TUSC3: variants seen among roughly 807,000 people sequenced by gnomAD.
The protein encoded by TUSC3 is tumor suppressor candidate 3.
In TUSC3, 45 loss-of-function variants were observed where a neutral mutation model predicts 44.8. The observed-to-expected ratio is 1.00, with a 90% CI of 0.79 to 1.29. The LOEUF (loss-of-function observed/expected upper bound fraction) is 1.29, where lower values mean the gene tolerates loss of function less well. Among genes scored for constraint, TUSC3 ranks in the 50% most tolerant of loss-of-function variants. The pLI is 0.00. For missense variants in TUSC3, 519 were observed against 437.9 expected (o/e 1.19, Z -1.65); for synonymous variants, 212 against 152.9 (o/e 1.39, Z -2.85).
chr8:15,823,201 A>C, the TUSC3 span, among the ~76,000 whole-genome samples: 1 of 152,206 alleles, frequency 6.6e-6, no homozygotes, highest in African/African-American at 2.4e-5. Flanking sequence ...TAGCTCTGTC[A>C]ACAGAATGAG....
the TUSC3 span, among the ~76,000 whole-genome samples, chr8:15,798,878 AT>A: frequency 2.6e-5 from 4 of 152,044 alleles, no homozygotes; most frequent in Non-Finnish European, 5.9e-5. Flanking sequence ...GACTAGGGAA[AT>A]TTTCCATGGT....
chr8:15,457,879 ATTAC>A (rs1563256300), intron 1 of TUSC3, among the ~76,000 whole-genome samples: 45 of 146,898 alleles, frequency 3.1e-4, no homozygotes, highest in African/African-American at 9.7e-4. Context: ...TAATTAGATA[ATTAC>A]TAATTAATTA....
intron 2 of TUSC3, among the ~76,000 whole-genome samples, chr8:15,640,367 T>C (rs1420762109): frequency 6.6e-6 from 1 of 152,202 alleles, no homozygotes; most frequent in Admixed American, 6.5e-5. Context: ...TTTTGCTTTG[T>C]GTCCTTTCTC....
At chr8:15,712,292 C>G (rs970307036) in intron 6 of TUSC3, among the ~76,000 whole-genome samples, 2 of 151,892 alleles carry the variant, frequency 1.3e-5, no homozygotes, top group Non-Finnish European at 2.9e-5. Flanking sequence ...GCTGTTGATT[C>G]TTTTAGCAAA....
At chr8:15,767,822 G>T (rs953417078), downstream of TUSC3, among the ~76,000 whole-genome samples, 1 of 152,188 alleles carries the variant, frequency 6.6e-6, no homozygotes, top group African/African-American at 2.4e-5. Flanking sequence ...AGCCACTGCT[G>T]CCTGGAGAAA....
chr8:15,559,575 G>A lies in TUSC3; in HGVS notation c.138+19007G>A, dbSNP rs1024238434. On this transcript the variant is annotated intron_variant, in intron 1 of 10. Coordinates refer to ENST00000503731, the MANE Select transcript of TUSC3 (RefSeq NM_006765.4). ...GGTATCCTTGTTGACTTTCTGTCTC[G>A]TTGATCTGTCTAATGTTGACGGTGG... is the stretch of plus-strand genomic sequence containing the variant. 7.8e-5 allele frequency among the ~76,000 whole-genome samples: 11 copies of A among 141,064 alleles called. 1 individual carries two copies. Among genetic ancestry groups the A allele is most frequent in the Non-Finnish European group, 1.4e-4 (9 of 63,770 alleles). 92.5% of individuals were successfully genotyped at this position (141,064 alleles called of 152,430 possible).
rs761482107 is a variant in TUSC3 at position 15,512,872 on chromosome 8, G to GTGTA, written n.189+29390_189+29391insGTAT. Among the ~76,000 whole-genome samples, 5 of 132,290 alleles carry GTGTA rather than the reference G, an allele frequency of 3.8e-5. No homozygotes were observed. The South Asian group carries it at 1.0e-3, about 26-fold the overall frequency. 86.8% of individuals were successfully genotyped at this position (132,290 alleles called of 152,430 possible). A position where few individuals can be genotyped will look rare whatever the true frequency, so the allele number is the denominator to read the frequency against. ...TGTGTGTGTGTATATATATGTGTGT[G>GTGTA]TATATATATATATACACACAATTCT... On this transcript the variant is annotated intron_variant and non_coding_transcript_variant, in intron 2 of 5. Transcript: ENST00000503191.
chr8:15,735,095 T>C (rs1810875877), intron 7 of TUSC3, among the ~76,000 whole-genome samples: 1 of 152,158 alleles, frequency 6.6e-6, no homozygotes, highest in Non-Finnish European at 1.5e-5. Context: ...AATAGTAGCG[T>C]CATGCCTGTT....
At chr8:15,504,601 A>T (rs1461341336) in intron 2 of TUSC3, among the ~76,000 whole-genome samples, 1 of 39,100 alleles carries the variant, frequency 2.6e-5, no homozygotes, top group Non-Finnish European at 4.7e-5. Context: ...ATATATATAT[A>T]TATATATATA....
intron 1 of TUSC3, among the ~76,000 whole-genome samples, chr8:15,446,103 C>T (rs1800093852): frequency 6.9e-6 from 1 of 145,722 alleles, no homozygotes; most frequent in South Asian, 2.2e-4. Flanking sequence ...GGCGGTTGGG[C>T]AGAGACACTC....
At chr8:15,455,434 T>A (rs1800242519) in intron 1 of TUSC3, among the ~76,000 whole-genome samples, 1 of 151,232 alleles carries the variant, frequency 6.6e-6, no homozygotes, top group African/African-American at 2.4e-5. Flanking sequence ...TGTATACACG[T>A]ATATGTATAC....
chr8:15,550,977 T>G (rs1480722219), intron 1 of TUSC3, among the ~76,000 whole-genome samples: 1 of 151,768 alleles, frequency 6.6e-6, no homozygotes, highest in Non-Finnish European at 1.5e-5. Flanking sequence ...ACTTACAAAG[T>G]GTTAAGGACC....
intron 2 of TUSC3, among the ~76,000 whole-genome samples, chr8:15,650,439 G>C (rs1442151747): frequency 1.3e-5 from 2 of 152,012 alleles, no homozygotes; most frequent in African/African-American, 4.8e-5. Context: ...TGCCCTTATA[G>C]CACATAAGCA....
chr8:15,820,494 A>G, the TUSC3 span, among the ~76,000 whole-genome samples: 21,390 of 151,742 alleles, frequency 0.14, 1,659 homozygotes, highest in East Asian at 0.25. Flanking sequence ...TAATTTTTGT[A>G]TTTTTAGTAG....
intron 1 of TUSC3, among the ~76,000 whole-genome samples, chr8:15,610,777 T>G (rs1804729009): frequency 6.6e-6 from 1 of 152,064 alleles, no homozygotes; most frequent in South Asian, 2.1e-4. Context: ...ATTCATTCAG[T>G]AGAGGTATAG....
intron 1 of TUSC3, among the ~76,000 whole-genome samples, chr8:15,556,878 G>C (rs1333744939): frequency 1.4e-5 from 2 of 143,310 alleles, no homozygotes; most frequent in Non-Finnish European, 3.1e-5. Context: ...AAATTTGTTT[G>C]AGTTCATTGT....
chr8:15,819,608 T>C, the TUSC3 span, among the ~76,000 whole-genome samples: 2 of 152,020 alleles, frequency 1.3e-5, no homozygotes, highest in Admixed American at 6.6e-5. Context: ...TCTTGTAATA[T>C]GGTGGTGAAG....
At chr8:15,754,699 T>C (rs1811849620) in intron 9 of TUSC3, among the ~76,000 whole-genome samples, 1 of 152,184 alleles carries the variant, frequency 6.6e-6, no homozygotes, top group Non-Finnish European at 1.5e-5. Flanking sequence ...TTTTGCATTT[T>C]TGTGAATTAT....
At chr8:15,566,979 A>C (rs1802702725) in intron 1 of TUSC3, among the ~76,000 whole-genome samples, 1 of 152,148 alleles carries the variant, frequency 6.6e-6, no homozygotes, top group South Asian at 2.1e-4. Flanking sequence ...ACTTAGTGAT[A>C]ACCACCAGGA....
Sources: gnomAD v4.1 joint callset for allele counts (sites outside exome capture counted in the v4.1 genomes callset) on GRCh38, gnomAD v4.1.1 for gene constraint, MANE v1.5 for transcripts, NCBI Gene and HGNC (gene_info 2026-07-23, HGNC 2026-07-21) for gene names.